Variants in PML observed in about 807,000 individuals in gnomAD.
The protein encoded by PML is protein PML.
PML carries 28 observed loss-of-function variants against 65.2 expected under a neutral mutation model. The observed-to-expected ratio is 0.43, with a 90% CI of 0.32 to 0.59. The LOEUF (loss-of-function observed/expected upper bound fraction) is 0.59. Ranked by LOEUF, PML falls within the 20% of genes least tolerant of loss-of-function variation. The pLI is 0.08. For missense variants in PML, 1,021 were observed against 1,203.4 expected, an observed-to-expected ratio of 0.85 and a Z score of 2.24; for synonymous variants, 500 against 508.8, an observed-to-expected ratio of 0.98 and a Z score of 0.23.
intron 2 of PML, among the ~76,000 whole-genome samples, chr15:74,013,590 G>A (rs1011410298): frequency 2.0e-5 from 3 of 152,316 alleles, no homozygotes; most frequent in Admixed American, 2.0e-4. Flanking sequence ...TGCCAAAGCT[G>A]TAACAGTAGG....
chr15:74,021,883 T>C (rs968792591), intron 2 of PML, among the ~76,000 whole-genome samples: 2 of 152,240 alleles, frequency 1.3e-5, no homozygotes, highest in African/African-American at 4.8e-5. Context: ...GATCTGTGCC[T>C]ATGCACCTAG....
intron 4 of PML, 160 bp downstream of exon 4, chr15:74,025,087 A>G (rs1274829100): frequency 1.5e-6 from 1 of 648,368 alleles, no homozygotes; most frequent in Non-Finnish European, 2.9e-6. Flanking sequence ...GGAAGACATT[A>G]AAGAAGGGTT....
Position 74,042,966 on chromosome 15 carries a change from C to T in PML, c.1711-23C>T, listed in dbSNP as rs57156757. The T allele has an allele frequency of 0.027, 44,226 of 1,613,274 alleles. 839 individuals are homozygous for T. Among genetic ancestry groups the T allele is most frequent in the African/African-American group, 0.087 (6,537 of 74,856 alleles). On this transcript the variant is annotated intron_variant, in intron 7 of 8. Transcript: ENST00000268058. This position sits in a 1 kb window ranked among gnomAD's most constrained non-coding sequence, Gnocchi z 5.3. ...TTGCCTTGGCCCTCTGAATCCCTGA[C>T]GCTTGGTTTTTCTGTGTTGCAGTCC...
intron 4 of PML, among the ~76,000 whole-genome samples, chr15:74,029,297 T>C (rs2071215177): frequency 1.3e-5 from 2 of 152,190 alleles, no homozygotes; most frequent in African/African-American, 4.8e-5. Context: ...TTATAGTATA[T>C]ACATATGCAC....
rs1227771281 is a variant in PML at position 74,035,152 on chromosome 15, T to G, written c.1710+622T>G. The G allele has an allele frequency of 8.5e-7, 1 of 1,181,312 alleles. No homozygotes were observed. Among genetic ancestry groups the G allele is most frequent in the Admixed American group, 1.7e-5 (1 of 59,486 alleles). The allele number at this position is 1,181,312 out of a possible 1,614,324, so 73.2% of individuals were successfully genotyped here. A position where few individuals can be genotyped will look rare whatever the true frequency, so the allele number is the denominator to read the frequency against. ...CTGAGGTCTCTTCCAGCCCTCAGTC[T>G]GAGGTTCTGTATTGGAAAGTGCATG... On this transcript the variant is annotated intron_variant, in intron 7 of 8. Transcript: ENST00000268058. The surrounding 1 kb of genome is among the most constrained non-coding windows in gnomAD (Gnocchi z 4.1).
chr15:74,007,529 A>C (rs10162627), intron 2 of PML, among the ~76,000 whole-genome samples: 3 of 152,144 alleles, frequency 2.0e-5, no homozygotes, highest in African/African-American at 4.8e-5. Context: ...CAAAACTTCA[A>C]TGCCATAAAT....
In PML at chr15:74,043,060, G is replaced by T. The variant is rs775792287; in HGVS notation, c.1782G>T (p.Arg594Ser). 22 of 1,613,228 alleles carry T rather than the reference G, an allele frequency of 1.4e-5. No individual in the cohort carries two copies. The highest frequency in any genetic ancestry group is 1.7e-6 in the Non-Finnish European group (2 of 1,179,888). Reference sequence around the variant, plus strand: ...AGCTGGAAGGCCCCAGCACCCTCAGGGTCCTGGACGAGAACCTTGCTGACC... The same window carrying T: ...AGCTGGAAGGCCCCAGCACCCTCAGTGTCCTGGACGAGAACCTTGCTGACC... ...DLQLEGPSTLRVLDENLADPQ... is the reference protein window; with the variant it reads ...DLQLEGPSTLSVLDENLADPQ... Residue 594 changes from arginine (R) to serine (S), a missense_variant, in exon 8 of 9, where the codon AGG becomes AGT. Transcript: ENST00000268058. This position sits in a 1 kb window ranked among gnomAD's most constrained non-coding sequence, Gnocchi z 4.3.
chr15:74,001,961 G>T (rs2069781218), intron 2 of PML, among the ~76,000 whole-genome samples: 1 of 150,860 alleles, frequency 6.6e-6, no homozygotes, highest in Non-Finnish European at 1.5e-5. Flanking sequence ...CTGTGATGGT[G>T]CCACTTCACT....
chr15:74,017,039 C>T lies in PML; in HGVS notation c.603-5789C>T, dbSNP rs2070622495. Reference sequence around the variant, plus strand: ...GTCTCGATCTCCTGACCTCGTGATCCACCCACCTCGGCCTCCCAAAGTGCT... The same window carrying T: ...GTCTCGATCTCCTGACCTCGTGATCTACCCACCTCGGCCTCCCAAAGTGCT... On this transcript the variant is annotated intron_variant, in intron 2 of 8. Transcript: ENST00000268058. Among the ~76,000 whole-genome samples, 4 of 151,622 alleles carry T rather than the reference C, an allele frequency of 2.6e-5. No individual in the cohort carries two copies. In the South Asian group the frequency reaches 8.4e-4, roughly 32 times the overall value.
chr15:73,996,671 A>G (rs888586193), intron 1 of PML, among the ~76,000 whole-genome samples: 6 of 152,216 alleles, frequency 3.9e-5, no homozygotes, highest in Non-Finnish European at 7.3e-5. Context: ...CTATTCCTGT[A>G]TCAGCAGTTT....
chr15:74,023,380 C>T lies in PML; in HGVS notation c.1155C>T (p.Asp385=), dbSNP rs745349363. 1.3e-6 allele frequency: 2 copies of T among 1,599,382 alleles called. No homozygotes were observed. The highest frequency in any genetic ancestry group is 3.3e-5 in the Admixed American group (2 of 59,972). The change falls in exon 3 of 9, where the codon GAC becomes GAT. Residue 385 remains aspartate (D), a synonymous_variant. Transcript: ENST00000268058. ...ACGAGTTCAAGGTGCGCCTGCAGGA[C>T]CTCAGCTCTTGCATCACCCAGGGGA... ...GFDEFKVRLQ[D]LSSCITQGKD... is the part of the protein sequence containing the mutation.
At chr15:73,999,927 C>T (rs750268131) in intron 2 of PML, among the ~76,000 whole-genome samples, 3 of 150,888 alleles carry the variant, frequency 2.0e-5, no homozygotes, top group Non-Finnish European at 3.0e-5. Context: ...CTCCACCTCC[C>T]GGGTTCACGC....
intron 2 of PML, among the ~76,000 whole-genome samples, chr15:74,004,708 T>A (rs2069950942): frequency 6.6e-6 from 1 of 152,114 alleles, no homozygotes; most frequent in African/African-American, 2.4e-5. Context: ...GAAATTGTAT[T>A]CTGCTTTTTA....
rs1394032572 is a variant in PML, at chr15:74,035,835, G to T, written c.1710+1305G>T. 6.2e-7 allele frequency: 1 copy of T among 1,613,818 alleles called. No homozygotes were observed. Among genetic ancestry groups the T allele is most frequent in the African/African-American group, 1.3e-5 (1 of 74,986 alleles). ...TGGGGACTCTGTCAGAGGCTCCATGGAGGCCTCTCAAGTCCAAGTGCCTCT... is the reference window on the plus strand; with the variant it reads ...TGGGGACTCTGTCAGAGGCTCCATGTAGGCCTCTCAAGTCCAAGTGCCTCT... On this transcript the variant is annotated intron_variant, in intron 7 of 8. Transcript: ENST00000268058. This position sits in a 1 kb window ranked among gnomAD's most constrained non-coding sequence, Gnocchi z 4.1.
chr15:74,024,780 T>C (rs767187629), intron 3 of PML, 77 bp from the exon 4 acceptor site: 40 of 1,042,684 alleles, frequency 3.8e-5, no homozygotes, highest in Non-Finnish European at 5.5e-5. Context: ...GGACCTCCTC[T>C]CTATCACTGT....
intron 2 of PML, among the ~76,000 whole-genome samples, chr15:74,012,474 A>G (rs1038593019): frequency 1.3e-5 from 2 of 149,032 alleles, no homozygotes; most frequent in African/African-American, 5.0e-5. Flanking sequence ...GTGCCTGGCC[A>G]TTTTTTTGTA....
At chr15:74,036,110 T>C (rs895021166) in intron 7 of PML, 2 of 1,612,894 alleles carry the variant, frequency 1.2e-6, no homozygotes, top group Non-Finnish European at 1.7e-6. Context: ...CATGGACCTC[T>C]GGGCAGGGAG....
At chr15:74,005,972 A>G (rs1034935546) in intron 2 of PML, among the ~76,000 whole-genome samples, 3 of 151,964 alleles carry the variant, frequency 2.0e-5, no homozygotes, top group Non-Finnish European at 4.4e-5. Context: ...AAGTAGTCCC[A>G]CCTCTGCTGT....
chr15:74,047,182 G>A lies in PML; in HGVS notation c.*2174G>A, dbSNP rs140672958. On this transcript the variant is annotated 3_prime_UTR_variant, in exon 9 of 9. Transcript: ENST00000268058. Reference sequence around the variant, plus strand: ...TCTCTCTGTGTTCCTTGAGTGACAGGTGGTAAAACCCTTAAAAAGGGAGGT... The same window carrying A: ...TCTCTCTGTGTTCCTTGAGTGACAGATGGTAAAACCCTTAAAAAGGGAGGT... 318 of 231,242 alleles carry A rather than the reference G, an allele frequency of 1.4e-3. No individual in the cohort carries two copies. Among genetic ancestry groups the A allele is most frequent in the Non-Finnish European group, 2.0e-3 (237 of 116,740 alleles). The allele number at this position is 231,242 out of a possible 1,614,324, so 14.3% of individuals were successfully genotyped here. A position where few individuals can be genotyped will look rare whatever the true frequency, so the allele number is the denominator to read the frequency against.
Sources: gnomAD v4.1 joint callset for allele counts (sites outside exome capture counted in the v4.1 genomes callset) on GRCh38, gnomAD v4.1.1 for gene constraint, Gnocchi (gnomAD v3.1) non-coding constraint, MANE v1.5 for transcripts, NCBI Gene and HGNC (gene_info 2026-07-23, HGNC 2026-07-21) for gene names.